The following AOAH variants were observed in gnomAD, a reference collection of about 807,000 sequenced individuals.
The protein encoded by AOAH is acyloxyacyl hydrolase (neutrophil).
In AOAH, 64 loss-of-function variants were observed where a neutral mutation model predicts 92.2. The observed-to-expected ratio is 0.69, with a 90% confidence interval of 0.57 to 0.86. The LOEUF is 0.86. Among genes scored for constraint, AOAH ranks in the 40% least tolerant of loss-of-function variants. The pLI, the probability that AOAH is intolerant of heterozygous loss-of-function variation, is 0.00. For missense variants in AOAH, 656 were observed against 694.6 expected (o/e 0.94, Z 0.62); for synonymous variants, 263 against 254.5 (o/e 1.03, Z -0.32).
intron 1 of AOAH, among the ~76,000 whole-genome samples, chr7:36,715,420 A>G: frequency 6.6e-6 from 1 of 152,236 alleles, no homozygotes; most frequent in South Asian, 2.1e-4. Context: ...TATAGATTCA[A>G]TGTCATCCCC....
intron 19 of AOAH, among the ~76,000 whole-genome samples, chr7:36,522,857 G>A (rs900440771): frequency 6.6e-6 from 1 of 152,136 alleles, no homozygotes; most frequent in South Asian, 2.1e-4. Flanking sequence ...CGTCCAGTGA[G>A]GGGGGCAGGC....
chr7:36,592,379 T>C (rs989236279), intron 12 of AOAH, among the ~76,000 whole-genome samples: 1 of 152,164 alleles, frequency 6.6e-6, no homozygotes, highest in South Asian at 2.1e-4. Context: ...AAGTCCCAGA[T>C]GTCTGTGCTT....
chr7:36,656,695 G>T (rs939016580), intron 4 of AOAH, among the ~76,000 whole-genome samples: 1 of 151,750 alleles, frequency 6.6e-6, no homozygotes, highest in Non-Finnish European at 1.5e-5. Flanking sequence ...GTTTGTTTAC[G>T]TTTTTTATGA....
Position 36,614,255 on chromosome 7 carries a change from T to C in AOAH, c.846+2125A>G, listed in dbSNP as rs1485035909. ...GCACTGCCCCACATTTTTTATTGTG[T>C]TGTTTGATAGGTCCATCCAGAAGTA... is the stretch of plus-strand genomic sequence containing the variant. On this transcript the variant is annotated intron_variant, in intron 11 of 20. Coordinates refer to ENST00000617537, the MANE Select transcript of AOAH (RefSeq NM_001637.4). This position sits in a 1 kb window ranked among gnomAD's most constrained non-coding sequence, Gnocchi z 4.2. 6.6e-6 allele frequency among the ~76,000 whole-genome samples: 1 copy of C among 152,074 alleles called. No individual in the cohort carries two copies. Among genetic ancestry groups the C allele is most frequent in the Admixed American group, 6.5e-5 (1 of 15,276 alleles).
intron 13 of AOAH, among the ~76,000 whole-genome samples, chr7:36,570,303 T>C (rs1583844908): frequency 1.3e-5 from 2 of 152,236 alleles, no homozygotes; most frequent in Non-Finnish European, 2.9e-5. Context: ...CTTAGCATAA[T>C]GTCCTCAAGA....
chr7:36,626,311 T>TTATC (rs2116151570), intron 6 of AOAH, among the ~76,000 whole-genome samples: 1 of 152,326 alleles, frequency 6.6e-6, no homozygotes, highest in African/African-American at 2.4e-5. Flanking sequence ...CCCACCTTTG[T>TTATC]TATCTTGGGG....
intron 5 of AOAH, among the ~76,000 whole-genome samples, chr7:36,635,799 ATAACT>A (rs922818099): frequency 3.3e-5 from 5 of 152,214 alleles, no homozygotes; most frequent in East Asian, 3.8e-4. Flanking sequence ...GGGTGAGCAC[ATAACT>A]TAACCTACCC....
chr7:36,623,137 G>T, intron 7 of AOAH, 53 bp downstream of exon 7: 1 of 1,432,370 alleles, frequency 7.0e-7, no homozygotes. Context: ...AAAGAAATGT[G>T]TAGGAAGCAA....
Position 36,620,831 on chromosome 7 carries a change from T to G in AOAH, c.654-2A>C. 1 of 1,613,662 alleles carries G rather than the reference T, an allele frequency of 6.2e-7. No homozygotes were observed. The highest frequency in any genetic ancestry group is 2.2e-5 in the East Asian group (1 of 44,870). On this transcript the variant is annotated splice_acceptor_variant, in intron 8 of 20. Coordinates refer to ENST00000617537, the MANE Select transcript of AOAH (RefSeq NM_001637.4). LOFTEE classifies it high-confidence loss of function. Reference sequence around the variant, plus strand: ...TGATGGACATCCCAGTTGTTCGGCCTAAGAAAAAAACATTAACATTGGTCT... The same window carrying G: ...TGATGGACATCCCAGTTGTTCGGCCGAAGAAAAAAACATTAACATTGGTCT...
intron 16 of AOAH, among the ~76,000 whole-genome samples, chr7:36,535,024 C>CTGTGTG (rs10669954): frequency 0.45 from 65,085 of 144,726 alleles, 14,678 homozygotes; most frequent in Middle Eastern, 0.51. Context: ...GTGTCTGTGT[C>CTGTGTG]TGTGTGTGTG....
Position 36,517,214 on chromosome 7 carries a change from C to CTTTCTTTCTCTCTCTT in AOAH, c.1600-3835_1600-3834insAAGAGAGAGAAAGAAA, listed in dbSNP as rs59205788. Among the ~76,000 whole-genome samples, 4 of 104,832 alleles carry CTTTCTTTCTCTCTCTT rather than the reference C, an allele frequency of 3.8e-5. 1 individual carries two copies. In the South Asian group the frequency reaches 1.3e-3, roughly 35 times the overall value. The allele number at this position is 104,832 out of a possible 152,430, so 68.8% of individuals were successfully genotyped here. A position where few individuals can be genotyped will look rare whatever the true frequency, so the allele number is the denominator to read the frequency against. On this transcript the variant is annotated intron_variant, in intron 20 of 20. Transcript: ENST00000617537. Reference sequence around the variant, plus strand: ...TCTTTCTTTCTTTCTTTCTTTCTTTCTCTTTCTTTCTGTCTCTCTCTCTCT... The same window carrying CTTTCTTTCTCTCTCTT: ...TCTTTCTTTCTTTCTTTCTTTCTTTCTTTCTTTCTCTCTCTTTCTTTCTTTCTGTCTCTCTCTCTCT...
chr7:36,556,159 G>A (rs1003418395), intron 13 of AOAH, among the ~76,000 whole-genome samples: 7 of 151,964 alleles, frequency 4.6e-5, no homozygotes, highest in Non-Finnish European at 1.0e-4. Context: ...CTTTTAATGT[G>A]TCCCAGAGAT....
At chr7:36,582,216 A>G (rs1788978658) in intron 12 of AOAH, among the ~76,000 whole-genome samples, 1 of 152,112 alleles carries the variant, frequency 6.6e-6, no homozygotes, top group African/African-American at 2.4e-5. Context: ...GCTCTGTTGT[A>G]TATATCAAAA....
At chr7:36,554,364 C>G (rs1054415984) in intron 13 of AOAH, among the ~76,000 whole-genome samples, 7 of 152,160 alleles carry the variant, frequency 4.6e-5, no homozygotes, top group Non-Finnish European at 8.8e-5. Context: ...GGTACCAGTA[C>G]CATGCTGTTT....
intron 3 of AOAH, among the ~76,000 whole-genome samples, chr7:36,659,978 C>A (rs1050923984): frequency 1.4e-4 from 22 of 152,072 alleles, no homozygotes; most frequent in African/African-American, 5.3e-4. Flanking sequence ...TTGTCCCTGC[C>A]CTATCTTAGT....
chr7:36,647,361 G>C (rs1354965465), intron 4 of AOAH, among the ~76,000 whole-genome samples: 2 of 152,180 alleles, frequency 1.3e-5, no homozygotes, highest in African/African-American at 4.8e-5. Context: ...TGGGAGAGCA[G>C]TGATTAAAGC....
intron 2 of AOAH, among the ~76,000 whole-genome samples, chr7:36,679,028 A>G (rs974962490): frequency 1.3e-5 from 2 of 152,216 alleles, no homozygotes; most frequent in Non-Finnish European, 2.9e-5. Flanking sequence ...ACAGCATAGG[A>G]AAAAAGAAAA....
At chr7:36,700,297 C>T (rs1562710332) in intron 1 of AOAH, among the ~76,000 whole-genome samples, 1 of 151,890 alleles carries the variant, frequency 6.6e-6, no homozygotes, top group African/African-American at 2.4e-5. Flanking sequence ...TACATTGTAC[C>T]CATTAAGTAA....
chr7:36,554,299 T>C (rs910508936), intron 13 of AOAH, among the ~76,000 whole-genome samples: 3 of 152,220 alleles, frequency 2.0e-5, no homozygotes, highest in Admixed American at 6.5e-5. Flanking sequence ...GTTGTAGATA[T>C]GCGGTGTTAT....
Sources: gnomAD v4.1 joint callset for allele counts (sites outside exome capture counted in the v4.1 genomes callset) on GRCh38, gnomAD v4.1.1 for gene constraint, Gnocchi (gnomAD v3.1) non-coding constraint, MANE v1.5 for transcripts, NCBI Gene and HGNC (gene_info 2026-07-23, HGNC 2026-07-21) for gene names.